PTPN13: variants seen among roughly 807,000 people sequenced by gnomAD.
PTPN13 encodes tyrosine-protein phosphatase non-receptor type 13.
In PTPN13, 191 loss-of-function variants were observed where a neutral mutation model predicts 284.0. That is an observed-to-expected ratio of 0.67 (90% confidence interval 0.60 to 0.76). PTPN13 has a LOEUF of 0.76. Ranked by LOEUF, PTPN13 falls within the 30% of genes least tolerant of loss-of-function variation. The pLI, the probability that PTPN13 is intolerant of heterozygous loss-of-function variation, is 0.00. For synonymous variants in PTPN13, 986 were observed against 1,022.3 expected (o/e 0.96, Z 0.68); for missense variants, 2,797 against 2,939.9 (o/e 0.95, Z 1.12).
Position 86,780,443 on chromosome 4 carries a change from T to C in PTPN13, c.5933T>C (p.Val1978Ala), listed in dbSNP as rs1377607017. 1 of 1,611,290 alleles carries C rather than the reference T, an allele frequency of 6.2e-7. No homozygotes were observed. The highest frequency in any genetic ancestry group is 8.5e-7 in the Non-Finnish European group (1 of 1,178,432). The change falls in exon 36 of 48, where the codon GTT becomes GCT. Residue 1978 changes from valine to alanine, a missense_variant. Physicochemically the swap from Val to Ala is moderately conservative, Grantham distance 64. Coordinates refer to ENST00000411767, the MANE Select transcript of PTPN13 (RefSeq NM_080683.3). ...PVVPSSKRSA[V>A]SAPKSTKGNG... Reference sequence around the variant, plus strand: ...GTCCCCAGCTCAAAGAGGTCTGCTGTTTCAGCTCCAAAGTCAACCAAAGGC... The same window carrying C: ...GTCCCCAGCTCAAAGAGGTCTGCTGCTTCAGCTCCAAAGTCAACCAAAGGC...
At chr4:86,624,159 G>A (rs1202167140) in intron 1 of PTPN13, among the ~76,000 whole-genome samples, 1 of 151,976 alleles carries the variant, frequency 6.6e-6, no homozygotes, top group African/African-American at 2.4e-5. Flanking sequence ...CAATTTATTT[G>A]ACTCTCTTGT....
At chr4:86,624,348 A>G (rs1332075392) in intron 1 of PTPN13, among the ~76,000 whole-genome samples, 1 of 152,110 alleles carries the variant, frequency 6.6e-6, no homozygotes, top group Non-Finnish European at 1.5e-5. Flanking sequence ...CTCTGGCTCA[A>G]GGGACAGCCA....
At chr4:86,689,380 A>C (rs949253907) in intron 5 of PTPN13, among the ~76,000 whole-genome samples, 190 bp downstream of exon 5, 6 of 152,300 alleles carry the variant, frequency 3.9e-5, no homozygotes, top group Admixed American at 1.3e-4. Context: ...CATTGCAATA[A>C]GTCTAGATTT....
intron 7 of PTPN13, among the ~76,000 whole-genome samples, chr4:86,703,191 G>T (rs1178559737): frequency 1.3e-5 from 2 of 151,902 alleles, no homozygotes; most frequent in Non-Finnish European, 2.9e-5. Flanking sequence ...TTTATGAGAT[G>T]GTTGTATATA....
chr4:86,806,926 A>C (rs1344574140), intron 44 of PTPN13, among the ~76,000 whole-genome samples: 1 of 152,204 alleles, frequency 6.6e-6, no homozygotes, highest in Admixed American at 6.5e-5. Flanking sequence ...TTAAAAAATT[A>C]CATTTTGACT....
chr4:86,779,418 A>C lies in PTPN13; in HGVS notation c.5892-984A>C, dbSNP rs1355276665. Among the ~76,000 whole-genome samples, 4 of 112,304 alleles carry C rather than the reference A, an allele frequency of 3.6e-5. No homozygotes were observed. In the South Asian group the frequency reaches 7.4e-4, roughly 21 times the overall value. The allele number at this position is 112,304 out of a possible 152,430, so 73.7% of individuals were successfully genotyped here. On this transcript the variant is annotated intron_variant, in intron 35 of 47. Transcript: ENST00000411767. ...GGTGACAGAGCAAGACTCCGTCTCCAAAAAAAAAAAAAAAATGATGTATGT... is the reference window on the plus strand; with the variant it reads ...GGTGACAGAGCAAGACTCCGTCTCCCAAAAAAAAAAAAAAATGATGTATGT...
intron 17 of PTPN13, among the ~76,000 whole-genome samples, chr4:86,747,496 T>C (rs1010318433): frequency 1.3e-5 from 2 of 152,136 alleles, no homozygotes; most frequent in African/African-American, 4.8e-5. Context: ...ACTACTACTA[T>C]ACTATATGCT....
intron 3 of PTPN13, among the ~76,000 whole-genome samples, chr4:86,682,002 G>A (rs1728947668): frequency 6.6e-6 from 1 of 152,172 alleles, no homozygotes; most frequent in African/African-American, 2.4e-5. Flanking sequence ...TTGGCACACA[G>A]TAAGCATTAT....
chr4:86,656,277 T>C (rs773966973), intron 2 of PTPN13, among the ~76,000 whole-genome samples: 7 of 152,244 alleles, frequency 4.6e-5, no homozygotes, highest in Admixed American at 2.6e-4. Context: ...TTGTTGCGTT[T>C]CTGGCAAGGA....
intron 2 of PTPN13, among the ~76,000 whole-genome samples, chr4:86,664,996 C>T (rs770578365): frequency 2.0e-5 from 3 of 152,102 alleles, no homozygotes; most frequent in Non-Finnish European, 4.4e-5. Context: ...CCTCTATCCA[C>T]GTTGTCCCAT....
chr4:86,606,611 T>A (rs1764766104), intron 1 of PTPN13, among the ~76,000 whole-genome samples: 1 of 151,906 alleles, frequency 6.6e-6, no homozygotes, highest in Admixed American at 6.6e-5. Flanking sequence ...ATGAATCGCA[T>A]CTTTCCATCT....
intron 1 of PTPN13, among the ~76,000 whole-genome samples, chr4:86,621,744 G>A (rs530172812): frequency 6.6e-6 from 1 of 152,238 alleles, no homozygotes; most frequent in South Asian, 2.1e-4. Context: ...TTTGTCATAA[G>A]TAGTTGGGAA....
At chr4:86,736,502 T>G (rs907614759) in intron 15 of PTPN13, among the ~76,000 whole-genome samples, 8 of 152,168 alleles carry the variant, frequency 5.3e-5, no homozygotes, top group Admixed American at 2.0e-4. Context: ...ATGAAGGGAT[T>G]TTATTCACAG....
At chr4:86,646,411 C>T (rs2148784440) in intron 2 of PTPN13, among the ~76,000 whole-genome samples, 1 of 152,052 alleles carries the variant, frequency 6.6e-6, no homozygotes, top group South Asian at 2.1e-4. Context: ...GATCCTCCCA[C>T]CTCAGCCTCT....
At chr4:86,747,545 C>G (rs772389069) in intron 17 of PTPN13, among the ~76,000 whole-genome samples, 14 of 144,562 alleles carry the variant, frequency 9.7e-5, no homozygotes, top group Middle Eastern at 3.6e-3. Flanking sequence ...GCAGCAGCAG[C>G]AGCGGCAGCA....
intron 17 of PTPN13, among the ~76,000 whole-genome samples, chr4:86,746,308 T>C (rs1488831029): frequency 6.6e-6 from 1 of 152,220 alleles, no homozygotes; most frequent in Non-Finnish European, 1.5e-5. Context: ...TAAATTCTTA[T>C]AGGTATAAGT....
intron 3 of PTPN13, among the ~76,000 whole-genome samples, chr4:86,683,660 A>G (rs1235566612): frequency 6.6e-6 from 1 of 152,226 alleles, no homozygotes; most frequent in African/African-American, 2.4e-5. Flanking sequence ...GACACATACA[A>G]CTAACTATTA....
intron 2 of PTPN13, among the ~76,000 whole-genome samples, chr4:86,648,358 C>CCT (rs1302044050): frequency 6.6e-6 from 1 of 152,054 alleles, no homozygotes; most frequent in African/African-American, 2.4e-5. Flanking sequence ...CATTAACCAT[C>CCT]CTCTCTTTAT....
intron 46 of PTPN13, among the ~76,000 whole-genome samples, chr4:86,810,282 A>C (rs1002777702): frequency 1.3e-5 from 2 of 152,146 alleles, no homozygotes; most frequent in African/African-American, 4.8e-5. Flanking sequence ...TATAGTCTTT[A>C]GGCTTGTATA....
Sources: gnomAD v4.1 joint callset for allele counts (sites outside exome capture counted in the v4.1 genomes callset) on GRCh38, gnomAD v4.1.1 for gene constraint, MANE v1.5 for transcripts, NCBI Gene and HGNC (gene_info 2026-07-23, HGNC 2026-07-21) for gene names.